Variants in EGFR observed in about 807,000 individuals in gnomAD.
EGFR encodes epidermal growth factor receptor, also known as avian erythroblastic leukemia viral (v-erb-b) oncogene homolog.
Under a neutral mutation model 143.0 loss-of-function variants are expected in EGFR, and 58 were observed. That is an observed-to-expected ratio of 0.41 (90% CI 0.33 to 0.50). The LOEUF (loss-of-function observed/expected upper bound fraction) is 0.50, where lower values mean the gene tolerates loss of function less well. Among genes scored for constraint, EGFR ranks in the 20% least tolerant of loss-of-function variants. The pLI is 0.39. For synonymous variants in EGFR, 613 were observed against 594.4 expected (o/e 1.03, Z -0.45); for missense variants, 1,307 against 1,579.0 (o/e 0.83, Z 2.92).
At chr7:55,109,936 G>A (rs1278548227) in intron 1 of EGFR, 1 of 985,326 alleles carries the variant, frequency 1.0e-6, no homozygotes, top group Non-Finnish European at 1.2e-6. Flanking sequence ...TCTCCGCGCT[G>A]AGAAGGTTAT....
intron 1 of EGFR, among the ~76,000 whole-genome samples, chr7:55,123,766 G>A (rs570989858): frequency 3.7e-4 from 57 of 152,238 alleles, no homozygotes; most frequent in African/African-American, 1.3e-3. Flanking sequence ...TCAAGCAGGA[G>A]GGGAGAGTAA....
chr7:55,166,159 A>G (rs982314964), intron 15 of EGFR: 1 of 461,582 alleles, frequency 2.2e-6, no homozygotes, highest in African/African-American at 2.0e-5. Context: ...CGCAAAAAAC[A>G]AAAACAAAAA....
At chr7:55,087,514 A>G (rs1205015190) in intron 1 of EGFR, among the ~76,000 whole-genome samples, 4 of 152,282 alleles carry the variant, frequency 2.6e-5, no homozygotes, top group Admixed American at 6.5e-5. Flanking sequence ...TTCATGAAAC[A>G]TGGGTTGTGT....
At chr7:55,111,178 C>T (rs752078564) in intron 1 of EGFR, among the ~76,000 whole-genome samples, 3 of 152,152 alleles carry the variant, frequency 2.0e-5, no homozygotes, top group Admixed American at 6.5e-5. Context: ...CTGCCTGGCC[C>T]GCTGAGTCCT....
At chr7:55,092,699 C>T (rs1345794463) in intron 1 of EGFR, among the ~76,000 whole-genome samples, 2 of 152,252 alleles carry the variant, frequency 1.3e-5, no homozygotes, top group Non-Finnish European at 2.9e-5. Flanking sequence ...TATTAGATGT[C>T]ACCGAGCACC....
intron 20 of EGFR, among the ~76,000 whole-genome samples, chr7:55,184,770 C>G (rs538685266): frequency 3.3e-5 from 5 of 152,178 alleles, no homozygotes; most frequent in Non-Finnish European, 5.9e-5. Flanking sequence ...AAACCTCATT[C>G]CTCTGTATTT....
chr7:55,198,900 G>C (rs1454906094), intron 23 of EGFR, 37 bp downstream of exon 23: 2 of 1,612,706 alleles, frequency 1.2e-6, no homozygotes, highest in African/African-American at 1.3e-5. Flanking sequence ...CTGCCTAGCT[G>C]AGCCTTGGTG....
intron 1 of EGFR, among the ~76,000 whole-genome samples, chr7:55,112,063 T>A (rs1234835074): frequency 6.6e-6 from 1 of 152,038 alleles, no homozygotes; most frequent in Non-Finnish European, 1.5e-5. Flanking sequence ...CTACCCAGCC[T>A]CACCCACGAC....
At chr7:55,144,992 G>A (rs1420105491) in intron 3 of EGFR, among the ~76,000 whole-genome samples, 1 of 152,198 alleles carries the variant, frequency 6.6e-6, no homozygotes. Flanking sequence ...TGGTATGATT[G>A]TTTTTTAAAC....
intron 1 of EGFR, among the ~76,000 whole-genome samples, chr7:55,105,918 C>A (rs970126299): frequency 2.6e-5 from 4 of 152,072 alleles, no homozygotes; most frequent in Non-Finnish European, 5.9e-5. Flanking sequence ...TTTATTCTTT[C>A]CTGTGAGATA....
At chr7:55,085,252 C>T (rs901648777) in intron 1 of EGFR, among the ~76,000 whole-genome samples, 4 of 152,322 alleles carry the variant, frequency 2.6e-5, no homozygotes, top group Non-Finnish European at 4.4e-5. Flanking sequence ...TGGTATCATG[C>T]CTGGGGTATC....
intron 1 of EGFR, among the ~76,000 whole-genome samples, chr7:55,064,757 C>A (rs1321769064): frequency 6.6e-6 from 1 of 152,200 alleles, no homozygotes; most frequent in African/African-American, 2.4e-5. Flanking sequence ...TCTCATTGAT[C>A]TTAGCCTTCT....
intron 15 of EGFR, among the ~76,000 whole-genome samples, chr7:55,169,924 G>A (rs17290211): frequency 3.9e-5 from 6 of 152,314 alleles, no homozygotes; most frequent in South Asian, 4.1e-4. Flanking sequence ...TCCCTCTGCC[G>A]GGTGTTCCCA....
intron 1 of EGFR, among the ~76,000 whole-genome samples, chr7:55,088,385 C>T (rs566444491): frequency 1.5e-4 from 23 of 152,308 alleles, no homozygotes; most frequent in African/African-American, 5.3e-4. Flanking sequence ...GTGGTGCGTC[C>T]AGTACCTCCA....
intron 1 of EGFR, among the ~76,000 whole-genome samples, chr7:55,042,561 A>G (rs1787955343): frequency 6.6e-6 from 1 of 152,132 alleles, no homozygotes; most frequent in Non-Finnish European, 1.5e-5. Context: ...TCCATGCAGC[A>G]TGGATGTGGG....
At chr7:55,173,775 C>T in intron 17 of EGFR, 146 bp from the exon 18 acceptor site, 1 of 1,272,884 alleles carries the variant, frequency 7.9e-7, no homozygotes. Flanking sequence ...TACATTTGTC[C>T]TTCCAAATGA....
chr7:55,144,116 T>C (rs1212045621), intron 3 of EGFR, among the ~76,000 whole-genome samples: 2 of 152,162 alleles, frequency 1.3e-5, no homozygotes, highest in East Asian at 1.9e-4. Context: ...GAATGTTAAA[T>C]TGGTAACTTC....
At chr7:55,038,231 G>C (rs1787710830) in intron 1 of EGFR, among the ~76,000 whole-genome samples, 1 of 152,184 alleles carries the variant, frequency 6.6e-6, no homozygotes, top group Non-Finnish European at 1.5e-5. Context: ...GAGTCCTTGT[G>C]GACCCACAGA....
rs2128954582 is a variant in EGFR at position 55,174,731 on chromosome 7, A to T, written c.2194A>T (p.Ile732Phe). The T allele has an allele frequency of 6.2e-7, 1 of 1,613,766 alleles. No homozygotes were observed. Among genetic ancestry groups the T allele is most frequent in the Non-Finnish European group, 8.5e-7 (1 of 1,179,706 alleles). Residue 732 changes from isoleucine to phenylalanine, a missense_variant, in exon 19 of 28, where the codon ATC (isoleucine) becomes TTC (phenylalanine). By Grantham distance (21) the Ile-to-Phe change is conservative. This residue lies in a region of EGFR where 348 missense variants were observed against 451.5 expected (regional missense o/e 0.77). Coordinates refer to ENST00000275493, the MANE Select transcript of EGFR (RefSeq NM_005228.5). ...AFGTVYKGLW[I>F]PEGEKVKIPV... The stretch of plus-strand genomic sequence containing the variant: ...TCTCTCTCTGTCATAGGGACTCTGG[A>T]TCCCAGAAGGTGAGAAAGTTAAAAT...
Sources: gnomAD v4.1 joint callset for allele counts (sites outside exome capture counted in the v4.1 genomes callset) on GRCh38, gnomAD v4.1.1 for gene constraint, gnomAD v4.1.1 regional missense constraint, MANE v1.5 for transcripts, NCBI Gene and HGNC (gene_info 2026-07-23, HGNC 2026-07-21) for gene names.